CCDC192: variants seen among roughly 807,000 people sequenced by gnomAD.
CCDC192 encodes coiled-coil domain containing 192.
In CCDC192 at chr5:127,868,056, G is replaced by A. The variant is rs113150096; in HGVS notation, c.412-7482G>A. On this transcript the variant is annotated intron_variant, in intron 5 of 6. Transcript: ENST00000514853. ...TGGCGAGATCTTAGTTGCCTAGACCGTTCTATCAACTTCCTGGACGTTTCT... is the reference window on the plus strand; with the variant it reads ...TGGCGAGATCTTAGTTGCCTAGACCATTCTATCAACTTCCTGGACGTTTCT... 4.1e-3 allele frequency among the ~76,000 whole-genome samples: 589 copies of A among 142,834 alleles called. 4 individuals carry two copies. The highest frequency in any genetic ancestry group is 0.014 in the African/African-American group (549 of 38,528). 93.7% of individuals were successfully genotyped at this position (142,834 alleles called of 152,430 possible). A position where few individuals can be genotyped will look rare whatever the true frequency, so the allele number is the denominator to read the frequency against.
chr5:127,719,568 C>CATATATATATATAT lies in CCDC192; in HGVS notation c.114+11821_114+11822insTATATATATATATA, dbSNP rs142203401. Reference sequence around the variant, plus strand: ...ATATATATATATATATACACACATACATATATATATATACCAAGCAGTGGG... The same window carrying CATATATATATATAT: ...ATATATATATATATATACACACATACATATATATATATATATATATATATATACCAAGCAGTGGG... On this transcript the variant is annotated intron_variant, in intron 2 of 6. Coordinates refer to ENST00000514853, the MANE Select transcript of CCDC192 (RefSeq NM_001317938.2). 6.7e-3 allele frequency among the ~76,000 whole-genome samples: 128 copies of CATATATATATATAT among 19,034 alleles called. 2 individuals are homozygous for CATATATATATATAT. Among genetic ancestry groups the CATATATATATATAT allele is most frequent in the Middle Eastern group, 0.06 (3 of 50 alleles). The allele number at this position is 19,034 out of a possible 152,430, so 12.5% of individuals were successfully genotyped here.
chr5:127,907,896 G>T (rs1753244397), intron 6 of CCDC192, among the ~76,000 whole-genome samples: 2 of 152,176 alleles, frequency 1.3e-5, no homozygotes, highest in South Asian at 4.1e-4. Flanking sequence ...ATAACCCAGA[G>T]CATTCTGCCT....
intron 5 of CCDC192, among the ~76,000 whole-genome samples, chr5:127,814,241 C>T (rs530230696): frequency 5.1e-4 from 78 of 152,270 alleles, no homozygotes; most frequent in South Asian, 1.2e-3. Context: ...AGGGAATAGT[C>T]GGAAATCAGA....
intron 2 of CCDC192, among the ~76,000 whole-genome samples, chr5:127,715,975 T>G (rs1163986090): frequency 3.3e-5 from 5 of 152,200 alleles, no homozygotes; most frequent in African/African-American, 1.2e-4. Context: ...CTTGTGATTT[T>G]AGTAAAAATG....
At chr5:127,912,834 G>A (rs761568921) in intron 6 of CCDC192, among the ~76,000 whole-genome samples, 21 of 152,112 alleles carry the variant, frequency 1.4e-4, no homozygotes, top group South Asian at 4.2e-4. Flanking sequence ...GCAAAACCAG[G>A]CTTATACCTA....
chr5:127,780,344 G>A lies in CCDC192; in HGVS notation c.223-16759G>A, dbSNP rs73345048. The stretch of plus-strand genomic sequence containing the variant: ...TAAATATCCAGTAGTGGGGTTTCTG[G>A]ATCAAATGGTAGAACTAAAAAGTTC... On this transcript the variant is annotated intron_variant, in intron 3 of 6. Coordinates refer to ENST00000514853, the MANE Select transcript of CCDC192 (RefSeq NM_001317938.2). Among the ~76,000 whole-genome samples, 722 of 152,172 alleles carry A rather than the reference G, an allele frequency of 4.7e-3. 2 individuals carry two copies. The highest frequency in any genetic ancestry group is 0.016 in the African/African-American group (677 of 41,514).
intron 5 of CCDC192, among the ~76,000 whole-genome samples, chr5:127,815,947 C>A (rs1176709571): frequency 1.3e-5 from 2 of 152,000 alleles, no homozygotes; most frequent in African/African-American, 4.8e-5. Context: ...TATTTGGGAT[C>A]AGGTGTTATT....
intron 6 of CCDC192, among the ~76,000 whole-genome samples, chr5:127,911,564 T>C (rs1486821267): frequency 1.3e-5 from 2 of 152,136 alleles, no homozygotes; most frequent in Non-Finnish European, 2.9e-5. Flanking sequence ...TATTGATAGA[T>C]ATAGATATAC....
At chr5:127,737,225 T>C (rs1753070048) in intron 2 of CCDC192, among the ~76,000 whole-genome samples, 1 of 152,136 alleles carries the variant, frequency 6.6e-6, no homozygotes, top group Non-Finnish European at 1.5e-5. Flanking sequence ...TCAGTTTCCA[T>C]GTAGTTGAGC....
At chr5:127,846,317 A>G (rs1466110836) in intron 5 of CCDC192, among the ~76,000 whole-genome samples, 1 of 152,030 alleles carries the variant, frequency 6.6e-6, no homozygotes, top group East Asian at 1.9e-4. Context: ...TTGTTAAATG[A>G]ATGAATACAT....
At chr5:127,840,053 G>A (rs539148082) in intron 5 of CCDC192, among the ~76,000 whole-genome samples, 1 of 152,262 alleles carries the variant, frequency 6.6e-6, no homozygotes, top group Non-Finnish European at 1.5e-5. Context: ...GACTCACTTA[G>A]GATGGCTAGC....
In CCDC192 at chr5:127,837,477, C is replaced by T. The variant is rs1750075971; in HGVS notation, c.412-38061C>T. ...TATCATAAGAATAGCATGGAGGAAA[C>T]GACTCCCATGATCCAGTCACCTCCC... On this transcript the variant is annotated intron_variant, in intron 5 of 6. Transcript: ENST00000514853. 3.6e-5 allele frequency among the ~76,000 whole-genome samples: 2 copies of T among 54,854 alleles called. 1 individual carries two copies. The highest frequency in any genetic ancestry group is 9.3e-4 in the South Asian group (2 of 2,148). 36.0% of individuals were successfully genotyped at this position (54,854 alleles called of 152,430 possible).
At chr5:127,882,132 C>T (rs1369998400) in intron 6 of CCDC192, among the ~76,000 whole-genome samples, 1 of 152,154 alleles carries the variant, frequency 6.6e-6, no homozygotes, top group Non-Finnish European at 1.5e-5. Context: ...TAGACTTATC[C>T]AAGACTCAAT....
At chr5:127,807,189 T>A (rs1270797268) in intron 5 of CCDC192, among the ~76,000 whole-genome samples, 1 of 152,202 alleles carries the variant, frequency 6.6e-6, no homozygotes, top group East Asian at 1.9e-4. Flanking sequence ...AACAGGTTAT[T>A]CTAAAATTGA....
At chr5:127,744,989 G>C (rs1342387085) in intron 2 of CCDC192, among the ~76,000 whole-genome samples, 1 of 152,182 alleles carries the variant, frequency 6.6e-6, no homozygotes, top group African/African-American at 2.4e-5. Context: ...CAGGTCAGAT[G>C]CATGAAAAGT....
intron 6 of CCDC192, among the ~76,000 whole-genome samples, chr5:127,923,835 A>T (rs1205949210): frequency 6.6e-6 from 1 of 152,232 alleles, no homozygotes; most frequent in East Asian, 1.9e-4. Flanking sequence ...GAGACAAGAC[A>T]GGACTTTCTC....
chr5:127,892,030 T>TA (rs1453023906), intron 6 of CCDC192, among the ~76,000 whole-genome samples: 1 of 152,228 alleles, frequency 6.6e-6, no homozygotes. Context: ...GTCTTTTTTT[T>TA]ATCAGAGTAC....
At chr5:127,883,871 A>G (rs1470554699) in intron 6 of CCDC192, among the ~76,000 whole-genome samples, 1 of 152,182 alleles carries the variant, frequency 6.6e-6, no homozygotes, top group African/African-American at 2.4e-5. Flanking sequence ...GAAGCAGGAA[A>G]GGGATGTATG....
At chr5:127,813,002 C>A (rs1198840901) in intron 5 of CCDC192, among the ~76,000 whole-genome samples, 1 of 152,178 alleles carries the variant, frequency 6.6e-6, no homozygotes, top group Non-Finnish European at 1.5e-5. Flanking sequence ...ATGCATATTT[C>A]CTGTGCTCAG....
Sources: gnomAD v4.1 joint callset for allele counts (sites outside exome capture counted in the v4.1 genomes callset) on GRCh38, gnomAD v4.1.1 for gene constraint, MANE v1.5 for transcripts, NCBI Gene and HGNC (gene_info 2026-07-23, HGNC 2026-07-21) for gene names.